The following TIGAR variants were observed in gnomAD, a reference collection of about 807,000 sequenced individuals.
TIGAR encodes fructose-2,6-bisphosphatase TIGAR.
TIGAR carries 7 observed loss-of-function variants against 17.9 expected under a neutral mutation model. That is an observed-to-expected ratio of 0.39 (90% CI 0.22 to 0.73). TIGAR has a LOEUF of 0.73. Among genes scored for constraint, TIGAR ranks in the 30% least tolerant of loss-of-function variants. TIGAR has a pLI of 0.42. For missense variants in TIGAR, 258 were observed against 327.4 expected (o/e 0.79, Z 1.64); for synonymous variants, 94 against 108.6 (o/e 0.87, Z 0.84).
intron 3 of TIGAR, among the ~76,000 whole-genome samples, chr12:4,347,969 C>T (rs1486450842): frequency 6.6e-6 from 1 of 151,946 alleles, no homozygotes; most frequent in Non-Finnish European, 1.5e-5. Flanking sequence ...GACCTTGTCT[C>T]TACAGAAAAT....
chr12:4,358,683 CA>C lies in TIGAR; in HGVS notation c.*5995del, dbSNP rs1864940458. On this transcript the variant is annotated 3_prime_UTR_variant, in exon 6 of 6. Transcript: ENST00000179259. The stretch of plus-strand genomic sequence containing the variant: ...ATTGCCTATTAGCTAATCCTTAGAC[CA>C]AATTTAAATTCTGTCAATTATTTTG... Among the ~76,000 whole-genome samples the C allele has an allele frequency of 6.6e-6, 1 of 150,504 alleles. No homozygotes were observed. The highest frequency in any genetic ancestry group is 2.4e-5 in the African/African-American group (1 of 41,056).
intron 3 of TIGAR, among the ~76,000 whole-genome samples, chr12:4,339,562 C>T (rs541837899): frequency 5.3e-5 from 8 of 152,280 alleles, no homozygotes; most frequent in Non-Finnish European, 1.2e-4. Flanking sequence ...CCAGTAGTAT[C>T]CTGATACCAA....
intron 1 of TIGAR, among the ~76,000 whole-genome samples, chr12:4,328,716 A>AG (rs1864572708): frequency 3.3e-5 from 5 of 151,616 alleles, no homozygotes; most frequent in Admixed American, 3.3e-4. Context: ...AGCTGGGACT[A>AG]CAGGCACTCA....
At chr12:4,337,630 T>A (rs1358050504) in intron 3 of TIGAR, among the ~76,000 whole-genome samples, 1 of 152,116 alleles carries the variant, frequency 6.6e-6, no homozygotes, top group Admixed American at 6.5e-5. Flanking sequence ...TTAAAAAAAA[T>A]AATTTTTAAA....
intron 3 of TIGAR, among the ~76,000 whole-genome samples, chr12:4,342,402 C>T (rs1277824082): frequency 3.3e-5 from 5 of 152,252 alleles, no homozygotes; most frequent in African/African-American, 1.2e-4. Context: ...AAAGATACTC[C>T]TCAAGAAGAG....
At chr12:4,340,177 C>T (rs1337040829) in intron 3 of TIGAR, among the ~76,000 whole-genome samples, 1 of 152,132 alleles carries the variant, frequency 6.6e-6, no homozygotes, top group Non-Finnish European at 1.5e-5. Context: ...GAAAACCCCA[C>T]CAAAAAACAA....
At position 4,337,110 on chromosome 12, in the gene TIGAR, A is replaced by T; in HGVS notation, c.142A>T (p.Asn48Tyr). 1 of 1,613,690 alleles carries T rather than the reference A, an allele frequency of 6.2e-7. No homozygotes were observed. Among genetic ancestry groups the T allele is most frequent in the Non-Finnish European group, 8.5e-7 (1 of 1,179,576 alleles). The change falls in exon 3 of 6, where the codon AAT becomes TAT. Residue 48 changes from asparagine (N) to tyrosine (Y), a missense_variant. By Grantham distance (143) the Asn-to-Tyr change is moderately radical. Transcript: ENST00000179259. ...QAAAAGIFLN[N>Y]VKFTHAFSSD... ...AGCAGCTGCTGGTATATTTCTGAAT[A>T]ATGTGAAGTTTACTCATGCTTTCTC...
chr12:4,355,025 C>G lies in TIGAR; in HGVS notation c.*2334C>G, dbSNP rs1260842830. On this transcript the variant is annotated 3_prime_UTR_variant, in exon 6 of 6. Coordinates refer to ENST00000179259, the MANE Select transcript of TIGAR (RefSeq NM_020375.3). ...GGATTGCAGGCATAAGCCACCGTGCCTGGCCTATGATGCATTTTTTTAATA... is the reference window on the plus strand; with the variant it reads ...GGATTGCAGGCATAAGCCACCGTGCGTGGCCTATGATGCATTTTTTTAATA... 6.6e-6 allele frequency among the ~76,000 whole-genome samples: 1 copy of G among 151,992 alleles called. No homozygotes were observed. The highest frequency in any genetic ancestry group is 1.5e-5 in the Non-Finnish European group (1 of 67,990).
At position 4,327,682 on chromosome 12, in the gene TIGAR, C is replaced by G. The variant is rs184655090; in HGVS notation, c.33-3598C>G. On this transcript the variant is annotated intron_variant, in intron 1 of 5. Transcript: ENST00000179259. ...CCAGGTTTAAATTAAGGGCTACAAG[C>G]CACTGTCTAGCGAGGATGTTACTTG... Among the ~76,000 whole-genome samples the G allele has an allele frequency of 1.3e-4, 20 of 152,258 alleles. No homozygotes were observed. In the East Asian group the frequency reaches 3.7e-3, roughly 28 times the overall value.
chr12:4,343,790 G>A (rs4469974), intron 3 of TIGAR, among the ~76,000 whole-genome samples: 44,763 of 151,922 alleles, frequency 0.29, 7,134 homozygotes, highest in East Asian at 0.57. Context: ...AAGATCTAAA[G>A]TTGGCACCCT....
chr12:4,324,983 C>T (rs1396382478), intron 1 of TIGAR, among the ~76,000 whole-genome samples: 2 of 148,496 alleles, frequency 1.3e-5, no homozygotes, highest in Non-Finnish European at 3.0e-5. Context: ...ACTCTTGTCA[C>T]CCAGGTTGGA....
At chr12:4,347,812 C>T (rs1034794117) in intron 3 of TIGAR, among the ~76,000 whole-genome samples, 4 of 152,010 alleles carry the variant, frequency 2.6e-5, no homozygotes, top group Non-Finnish European at 4.4e-5. Context: ...TGATAATAAC[C>T]TAAATGTAGC....
Position 4,352,561 on chromosome 12 carries a change from C to T in TIGAR, c.683C>T (p.Ser228Leu). ...ACTCTGAGCAGATCTGAACTTATGT[C>T]AGTCACTCCCAATACAGGGATGAGT... ...PATLSRSELM[S>L]VTPNTGMSLF... Residue 228 changes from serine (S) to leucine (L), a missense_variant, in exon 6 of 6, where the codon TCA becomes TTA. Ser to Leu is a moderately radical substitution (Grantham distance 145, BLOSUM62 -2). Transcript: ENST00000179259. 1.9e-6 allele frequency: 3 copies of T among 1,613,960 alleles called. No homozygotes were observed. The highest frequency in any genetic ancestry group is 2.5e-6 in the Non-Finnish European group (3 of 1,180,024).
intron 5 of TIGAR, 145 bp downstream of exon 5, chr12:4,351,522 C>G (rs950986783): frequency 1.5e-6 from 1 of 655,444 alleles, no homozygotes; most frequent in African/African-American, 1.8e-5. Context: ...TTATTCTTTT[C>G]TATTTAAAAT....
At chr12:4,333,382 C>T (rs113829455) in intron 2 of TIGAR, among the ~76,000 whole-genome samples, 1 of 151,788 alleles carries the variant, frequency 6.6e-6, no homozygotes, top group Non-Finnish European at 1.5e-5. Context: ...CTCTGCCTCC[C>T]GGGTTCAAGC....
chr12:4,337,784 G>A (rs1413194130), intron 3 of TIGAR, among the ~76,000 whole-genome samples: 2 of 152,182 alleles, frequency 1.3e-5, no homozygotes. Context: ...CTATGTCACT[G>A]TAAAGAAATA....
At chr12:4,336,700 A>G (rs367654834) in intron 2 of TIGAR, among the ~76,000 whole-genome samples, 140 of 152,292 alleles carry the variant, frequency 9.2e-4, no homozygotes, top group African/African-American at 3.3e-3. Flanking sequence ...CTTTTAGATG[A>G]TGGTCCTACC....
Position 4,352,260 on chromosome 12 carries a change from G to A in TIGAR, c.382G>A (p.Val128Met). The stretch of plus-strand genomic sequence containing the variant: ...TTGACTTTTATTTCTTTTCTTGTAG[G>A]TGAAAATGCGTGGAATAGACTTTTT... Reference protein sequence around the residue: ...TPPGGETLDQVKMRGIDFFEF... With the variant: ...TPPGGETLDQMKMRGIDFFEF... Residue 128 changes from valine (V) to methionine (M), a missense_variant and splice_region_variant, in exon 6 of 6, where the codon GTG becomes ATG. Physicochemically the swap from Val to Met is conservative, Grantham distance 21. Transcript: ENST00000179259. The A allele has an allele frequency of 6.2e-7, 1 of 1,603,418 alleles. No individual in the cohort carries two copies. The highest frequency in any genetic ancestry group is 8.5e-7 in the Non-Finnish European group (1 of 1,174,628).
chr12:4,330,869 CT>C (rs753682308), intron 1 of TIGAR, among the ~76,000 whole-genome samples: 13 of 152,214 alleles, frequency 8.5e-5, no homozygotes, highest in Non-Finnish European at 1.5e-4. Flanking sequence ...TTCAGATTCT[CT>C]TTCACTTGCT....
Sources: gnomAD v4.1 joint callset for allele counts (sites outside exome capture counted in the v4.1 genomes callset) on GRCh38, gnomAD v4.1.1 for gene constraint, MANE v1.5 for transcripts, NCBI Gene and HGNC (gene_info 2026-07-23, HGNC 2026-07-21) for gene names.